Variants in MACROD2 observed in about 807,000 individuals in gnomAD.
MACROD2 encodes the protein ADP-ribose glycohydrolase MACROD2.
MACROD2 carries 36 observed loss-of-function variants against 70.4 expected under a neutral mutation model. The ratio of observed to expected loss-of-function variants is 0.51; its 90% CI spans 0.39 to 0.68. The LOEUF is 0.68. Among genes scored for constraint, MACROD2 ranks in the 30% least tolerant of loss-of-function variants. MACROD2 has a pLI of 0.00. For synonymous variants in MACROD2, 172 were observed against 178.8 expected (o/e 0.96, Z 0.30); for missense variants, 496 against 538.4 (o/e 0.92, Z 0.78).
chr20:15,613,344 T>A (rs563123291), intron 8 of MACROD2, among the ~76,000 whole-genome samples: 1 of 152,356 alleles, frequency 6.6e-6, no homozygotes, highest in South Asian at 2.1e-4. Context: ...GGCAGCATTA[T>A]ATTTTGGCAT....
chr20:15,432,072 T>G (rs1489960366), intron 7 of MACROD2, among the ~76,000 whole-genome samples: 1 of 152,060 alleles, frequency 6.6e-6, no homozygotes, highest in African/African-American at 2.4e-5. Context: ...TATACTTTTT[T>G]TCAGACCATT....
At chr20:15,877,142 TTCTG>T (rs1157532225) in intron 9 of MACROD2, among the ~76,000 whole-genome samples, 11 of 152,154 alleles carry the variant, frequency 7.2e-5, no homozygotes, top group Admixed American at 7.2e-4. Context: ...CATCTTTTCT[TTCTG>T]ACCGTCATCT....
At chr20:14,190,404 C>T (rs984016472) in intron 3 of MACROD2, among the ~76,000 whole-genome samples, 2 of 151,892 alleles carry the variant, frequency 1.3e-5, no homozygotes, top group Admixed American at 6.6e-5. Flanking sequence ...AGAATACTTA[C>T]AGAAAATAGC....
intron 5 of MACROD2, among the ~76,000 whole-genome samples, chr20:14,901,584 A>T (rs1457034617): frequency 2.0e-5 from 3 of 152,180 alleles, no homozygotes; most frequent in African/African-American, 7.2e-5. Context: ...ATTGGAAATG[A>T]TCTAAATGGC....
chr20:14,305,540 CTA>C (rs965292335), intron 3 of MACROD2, among the ~76,000 whole-genome samples: 1 of 152,072 alleles, frequency 6.6e-6, no homozygotes, highest in Non-Finnish European at 1.5e-5. Context: ...GGTGGTTACT[CTA>C]TTTCTTGATT....
intron 7 of MACROD2, among the ~76,000 whole-genome samples, chr20:15,436,758 A>G (rs2046432755): frequency 6.6e-6 from 1 of 152,138 alleles, no homozygotes; most frequent in African/African-American, 2.4e-5. Flanking sequence ...TATTCTATTT[A>G]AAGAAAGTGG....
intron 8 of MACROD2, among the ~76,000 whole-genome samples, chr20:15,571,936 A>T (rs1187572278): frequency 6.6e-6 from 1 of 152,086 alleles, no homozygotes; most frequent in African/African-American, 2.4e-5. Context: ...ACTTATTTTG[A>T]CCACAGTTTT....
At chr20:15,385,834 G>T (rs1194455743) in intron 6 of MACROD2, among the ~76,000 whole-genome samples, 1 of 152,086 alleles carries the variant, frequency 6.6e-6, no homozygotes, top group Non-Finnish European at 1.5e-5. Context: ...AAACTTTCAT[G>T]TATCCTCAGG....
intron 5 of MACROD2, among the ~76,000 whole-genome samples, chr20:15,050,578 G>C (rs112337260): frequency 3.6e-4 from 40 of 109,686 alleles, no homozygotes; most frequent in African/African-American, 1.5e-3. Context: ...GTCTTGCTCC[G>C]TTGCCCAGGC....
chr20:15,816,674 A>G (rs2063879421), intron 8 of MACROD2, among the ~76,000 whole-genome samples: 1 of 152,158 alleles, frequency 6.6e-6, no homozygotes, highest in South Asian at 2.1e-4. Flanking sequence ...CTGATAGATG[A>G]TCAACCCTCT....
chr20:15,828,613 C>T (rs1447413241), intron 8 of MACROD2, among the ~76,000 whole-genome samples: 4 of 152,058 alleles, frequency 2.6e-5, no homozygotes, highest in Non-Finnish European at 2.9e-5. Flanking sequence ...AATATTTTCA[C>T]GGTGGATTTT....
rs552496775 is a variant in MACROD2 at position 14,004,564 on chromosome 20, A to T, written c.163+2160A>T. ...ATATTTGTAAATATTTATATACAATACACATTTTTCATATGACTTTTTCTT... is the reference window on the plus strand; with the variant it reads ...ATATTTGTAAATATTTATATACAATTCACATTTTTCATATGACTTTTTCTT... On this transcript the variant is annotated intron_variant, in intron 2 of 17. Transcript: ENST00000684519. 3.3e-5 allele frequency among the ~76,000 whole-genome samples: 5 copies of T among 152,336 alleles called. No homozygotes were observed. The South Asian group carries it at 1.0e-3, about 32-fold the overall frequency.
At chr20:15,670,126 T>C (rs17697436) in intron 8 of MACROD2, among the ~76,000 whole-genome samples, 7,845 of 152,284 alleles carry the variant, frequency 0.052, 237 homozygotes, top group Non-Finnish European at 0.066. Flanking sequence ...GGCTTGTAAA[T>C]GTTTTCTTGC....
chr20:14,430,954 C>T (rs1296700241), intron 3 of MACROD2, among the ~76,000 whole-genome samples: 4 of 152,060 alleles, frequency 2.6e-5, no homozygotes, highest in African/African-American at 9.7e-5. Flanking sequence ...TTTTTAAAGA[C>T]TAGGGAGACC....
At chr20:14,469,358 A>T (rs2084499357) in intron 3 of MACROD2, among the ~76,000 whole-genome samples, 1 of 151,902 alleles carries the variant, frequency 6.6e-6, no homozygotes, top group South Asian at 2.1e-4. Flanking sequence ...GATGCCCTTA[A>T]CATTTTTTCC....
intron 8 of MACROD2, among the ~76,000 whole-genome samples, chr20:15,508,891 TG>T (rs1364620620): frequency 6.6e-6 from 1 of 152,240 alleles, no homozygotes; most frequent in African/African-American, 2.4e-5. Flanking sequence ...GAACCCATTC[TG>T]TTGGCTCAAG....
intron 6 of MACROD2, among the ~76,000 whole-genome samples, chr20:15,251,995 G>A (rs1482893600): frequency 2.0e-5 from 3 of 152,126 alleles, no homozygotes; most frequent in South Asian, 2.1e-4. Context: ...AACATAAATG[G>A]TATCTGTGTG....
chr20:15,249,124 T>C (rs934554786), intron 6 of MACROD2, among the ~76,000 whole-genome samples: 1 of 152,026 alleles, frequency 6.6e-6, no homozygotes, highest in Admixed American at 6.6e-5. Flanking sequence ...GACGCTGAGG[T>C]ATTTGTCTAC....
intron 5 of MACROD2, among the ~76,000 whole-genome samples, chr20:14,988,184 C>T (rs2074865932): frequency 6.6e-6 from 1 of 151,780 alleles, no homozygotes; most frequent in Non-Finnish European, 1.5e-5. Flanking sequence ...GGCAACATGG[C>T]GAAATCCCGT....
Sources: allele counts gnomAD v4.1 joint callset (sites outside exome capture counted in the v4.1 genomes callset), GRCh38; gene constraint gnomAD v4.1.1; transcripts MANE v1.5; gene names NCBI Gene and HGNC (gene_info 2026-07-23, HGNC 2026-07-21).